Variants in TYR observed in about 807,000 individuals in gnomAD.
The protein encoded by TYR is tyrosinase.
TYR carries 58 observed loss-of-function variants against 51.5 expected under a neutral mutation model. That is an observed-to-expected ratio of 1.13 (90% confidence interval 0.91 to 1.40). The LOEUF is 1.40. TYR is among the 40% of genes most tolerant of loss of function. The pLI, the probability that TYR is intolerant of heterozygous loss-of-function variation, is 0.00. For synonymous variants in TYR, 263 were observed against 235.2 expected, an observed-to-expected ratio of 1.12 and a Z score of -1.08; for missense variants, 732 against 647.4, an observed-to-expected ratio of 1.13 and a Z score of -1.42.
At chr11:89,273,007 T>G (rs986147787) in intron 3 of TYR, among the ~76,000 whole-genome samples, 10 of 151,928 alleles carry the variant, frequency 6.6e-5, no homozygotes, top group African/African-American at 2.2e-4. Context: ...TCCAAACCAC[T>G]AAAACTTTCT....
intron 3 of TYR, among the ~76,000 whole-genome samples, chr11:89,259,936 T>C (rs1944437320): frequency 6.6e-6 from 1 of 152,100 alleles, no homozygotes; most frequent in Non-Finnish European, 1.5e-5. Context: ...AAGAACCAGA[T>C]TGGTTCTTAA....
intron 3 of TYR, among the ~76,000 whole-genome samples, chr11:89,244,838 T>A (rs1944243230): frequency 6.6e-6 from 1 of 152,232 alleles, no homozygotes; most frequent in African/African-American, 2.4e-5. Flanking sequence ...GATGAAGTGA[T>A]TACTAAATAC....
At chr11:89,211,833 G>T (rs557943585) in intron 2 of TYR, among the ~76,000 whole-genome samples, 1 of 152,256 alleles carries the variant, frequency 6.6e-6, no homozygotes, top group African/African-American at 2.4e-5. Flanking sequence ...TGAACAACCT[G>T]CTCCTAAATG....
At chr11:89,270,894 A>G (rs1170519295) in intron 3 of TYR, among the ~76,000 whole-genome samples, 1 of 151,878 alleles carries the variant, frequency 6.6e-6, no homozygotes, top group Non-Finnish European at 1.5e-5. Context: ...AATGACCAAT[A>G]AGGCAATATC....
At chr11:89,252,054 G>T (rs758562221) in intron 3 of TYR, among the ~76,000 whole-genome samples, 2 of 151,692 alleles carry the variant, frequency 1.3e-5, no homozygotes, top group African/African-American at 2.4e-5. Flanking sequence ...TGGCTTTTCT[G>T]ATTTCCAATG....
intron 2 of TYR, among the ~76,000 whole-genome samples, chr11:89,197,818 G>A (rs1211898042): frequency 6.6e-6 from 1 of 152,072 alleles, no homozygotes; most frequent in East Asian, 1.9e-4. Context: ...ATTGGTCCTT[G>A]TTTTTGTCCT....
chr11:89,205,716 G>A (rs914633168), intron 2 of TYR, among the ~76,000 whole-genome samples: 3 of 151,680 alleles, frequency 2.0e-5, no homozygotes, highest in Admixed American at 6.6e-5. Context: ...CCACCAAGCA[G>A]ACCTGCCCTG....
intron 2 of TYR, among the ~76,000 whole-genome samples, chr11:89,210,228 G>C (rs1032517888): frequency 6.6e-6 from 1 of 152,146 alleles, no homozygotes; most frequent in Non-Finnish European, 1.5e-5. Flanking sequence ...TTGAAAAAAG[G>C]TTAGATGAAT....
At chr11:89,187,909 T>C (rs1270463328) in intron 1 of TYR, among the ~76,000 whole-genome samples, 3 of 151,898 alleles carry the variant, frequency 2.0e-5, no homozygotes, top group African/African-American at 7.2e-5. Context: ...ATACACCATA[T>C]TGCCTTATTC....
chr11:89,292,799 C>T (rs1360105610), intron 4 of TYR, among the ~76,000 whole-genome samples: 3 of 152,146 alleles, frequency 2.0e-5, no homozygotes, highest in Admixed American at 6.5e-5. Context: ...CCATTTATGG[C>T]AGCAGATTCT....
At chr11:89,212,607 T>C (rs1943774789) in intron 2 of TYR, among the ~76,000 whole-genome samples, 1 of 152,172 alleles carries the variant, frequency 6.6e-6, no homozygotes, top group South Asian at 2.1e-4. Context: ...ATCATCCTCA[T>C]ACCAAAGCCT....
At chr11:89,262,863 A>ACAAAC in intron 3 of TYR, among the ~76,000 whole-genome samples, 2 of 146,452 alleles carry the variant, frequency 1.4e-5, no homozygotes, top group African/African-American at 5.0e-5. Flanking sequence ...AAAAAAAAAA[A>ACAAAC]AAAAAAAAAC....
intron 2 of TYR, among the ~76,000 whole-genome samples, chr11:89,211,398 C>G (rs1005935968): frequency 1.3e-5 from 2 of 152,106 alleles, no homozygotes; most frequent in African/African-American, 4.8e-5. Flanking sequence ...ACAAGAAGAG[C>G]TAACTGTCCT....
chr11:89,223,801 A>T (rs1454807501), intron 2 of TYR, among the ~76,000 whole-genome samples: 1 of 152,146 alleles, frequency 6.6e-6, no homozygotes, highest in Admixed American at 6.6e-5. Context: ...GTTTATATTA[A>T]TCTGGTATGT....
At chr11:89,183,115 G>A (rs1943323608) in intron 1 of TYR, among the ~76,000 whole-genome samples, 1 of 151,912 alleles carries the variant, frequency 6.6e-6, no homozygotes, top group Non-Finnish European at 1.5e-5. Flanking sequence ...AACCTCTAAT[G>A]CTATAACAAA....
Position 89,292,141 on chromosome 11 carries a change from T to C in TYR, c.1367-3002T>C, listed in dbSNP as rs531858194. ...TAGTGAAATATGAGTAATTTATAAATTTTTTCCCTGGGTGACATCCTTTTG... is the reference window on the plus strand; with the variant it reads ...TAGTGAAATATGAGTAATTTATAAACTTTTTCCCTGGGTGACATCCTTTTG... On this transcript the variant is annotated intron_variant, in intron 4 of 4. Transcript: ENST00000263321. 1.1e-3 allele frequency among the ~76,000 whole-genome samples: 168 copies of C among 152,102 alleles called. 2 individuals carry two copies. Among genetic ancestry groups the C allele is most frequent in the Middle Eastern group, 3.4e-3 (1 of 294 alleles).
intron 2 of TYR, chr11:89,192,169 A>G (rs1397029242): frequency 2.1e-5 from 4 of 189,332 alleles, no homozygotes; most frequent in Non-Finnish European, 4.5e-5. Flanking sequence ...TATCCTACAA[A>G]TGTTTTCATC....
At position 89,178,006 on chromosome 11, in the gene TYR, G is replaced by T; in HGVS notation, c.53G>T (p.Gly18Val). 6.2e-7 allele frequency: 1 copy of T among 1,614,156 alleles called. No homozygotes were observed. Among genetic ancestry groups the T allele is most frequent in the South Asian group, 1.1e-5 (1 of 91,082 alleles). The change falls in exon 1 of 5, where the codon GGC becomes GTC. Residue 18 changes from glycine (G) to valine (V), a missense_variant. Transcript: ENST00000263321. The part of the protein sequence containing the change: ...CLLWSFQTSA[G>V]HFPRACVSSK... ...CTGTGGAGTTTCCAGACCTCCGCTGGCCATTTCCCTAGAGCCTGTGTCTCC... is the reference window on the plus strand; with the variant it reads ...CTGTGGAGTTTCCAGACCTCCGCTGTCCATTTCCCTAGAGCCTGTGTCTCC...
intron 2 of TYR, among the ~76,000 whole-genome samples, chr11:89,197,764 C>A (rs994947197): frequency 2.6e-5 from 4 of 151,986 alleles, no homozygotes; most frequent in African/African-American, 7.2e-5. Context: ...AGGAAAGCAA[C>A]AAGTTCAGGA....
Sources: allele counts gnomAD v4.1 joint callset (sites outside exome capture counted in the v4.1 genomes callset), GRCh38; gene constraint gnomAD v4.1.1; transcripts MANE v1.5; gene names NCBI Gene and HGNC (gene_info 2026-07-23, HGNC 2026-07-21).